Variants in PPP2R2C observed in about 807,000 individuals in gnomAD.
PPP2R2C encodes the protein protein phosphatase 2, regulatory subunit B, gamma.
In PPP2R2C, 10 loss-of-function variants were observed where a neutral mutation model predicts 45.3. That is an observed-to-expected ratio of 0.22 (90% CI 0.14 to 0.37). The LOEUF is 0.37. Ranked by LOEUF, PPP2R2C falls within the 10% of genes least tolerant of loss-of-function variation. The probability of loss-of-function intolerance (pLI) is 1.00; values close to 1 mark genes in which losing one functional copy is unlikely to be tolerated. For synonymous variants in PPP2R2C, 257 were observed against 245.4 expected, an observed-to-expected ratio of 1.05 and a Z score of -0.44; for missense variants, 308 against 619.7, an observed-to-expected ratio of 0.50 and a Z score of 5.34.
At chr4:6,430,944 C>CA (rs11330202) in intron 1 of PPP2R2C, among the ~76,000 whole-genome samples, 620 of 53,032 alleles carry the variant, frequency 0.012, 1 homozygote, top group Middle Eastern at 0.06. Context: ...ACAACAACAA[C>CA]AAAAAAAAAA....
At chr4:6,348,731 A>G in intron 5 of PPP2R2C, 1 of 983,172 alleles carries the variant, frequency 1.0e-6, no homozygotes, top group Non-Finnish European at 1.2e-6. Context: ...TGCCAGGACA[A>G]GGAGAAACCC....
At position 6,329,486 on chromosome 4, in the gene PPP2R2C, G is replaced by T. The variant is rs933039693; in HGVS notation, c.961-133C>A. On this transcript the variant is annotated intron_variant, in intron 7 of 8. Transcript: ENST00000382599. The surrounding 1 kb of genome is among the most constrained non-coding windows in gnomAD (Gnocchi z 5.8). ...CCAGCGCAGACCTGCTCATCTCAGC[G>T]AGGGTCTGAATGCTCTGACACAGCC... is the stretch of plus-strand genomic sequence containing the variant. The T allele has an allele frequency of 1.3e-6, 1 of 753,270 alleles. No homozygotes were observed. 46.7% of individuals were successfully genotyped at this position (753,270 alleles called of 1,614,324 possible).
intron 1 of PPP2R2C, among the ~76,000 whole-genome samples, chr4:6,435,678 C>T (rs952417603): frequency 6.6e-6 from 1 of 152,224 alleles, no homozygotes; most frequent in African/African-American, 2.4e-5. Flanking sequence ...TCTTAGAAAA[C>T]AGGCTTGTGA....
chr4:6,375,761 T>C, intron 4 of PPP2R2C, 58 bp downstream of exon 4: 1 of 1,391,056 alleles, frequency 7.2e-7, no homozygotes, highest in South Asian at 1.3e-5. Flanking sequence ...TTTCCAGCCC[T>C]AAAATCCTCA....
intron 1 of PPP2R2C, among the ~76,000 whole-genome samples, chr4:6,461,588 G>A (rs1360196204): frequency 6.6e-6 from 1 of 152,212 alleles, no homozygotes; most frequent in Non-Finnish European, 1.5e-5. Context: ...AGAAGGGTCT[G>A]GAGCCCCGCA....
Position 6,355,866 on chromosome 4 carries a change from C to T in PPP2R2C, c.626-7856G>A, listed in dbSNP as rs149053816. ...AAAATTAGCTGGGCGTGGTAGTGGG[C>T]ACCTGTAATCCCAGCTACTCAGGAG... is the stretch of plus-strand genomic sequence containing the variant. On this transcript the variant is annotated intron_variant, in intron 5 of 8. Coordinates refer to ENST00000382599, the MANE Select transcript of PPP2R2C (RefSeq NM_020416.4). Among the ~76,000 whole-genome samples the T allele has an allele frequency of 6.7e-3, 1,015 of 151,990 alleles. 18 individuals are homozygous for T. Among genetic ancestry groups the T allele is most frequent in the African/African-American group, 0.023 (974 of 41,474 alleles).
chr4:6,518,909 C>A (rs1213515045), intron 2 of PPP2R2C, among the ~76,000 whole-genome samples: 1 of 102,426 alleles, frequency 9.8e-6, no homozygotes, highest in Non-Finnish European at 1.8e-5. Context: ...GGCAACAGAG[C>A]AAGACTCTGT....
chr4:6,505,943 G>T (rs1454718188), intron 2 of PPP2R2C, among the ~76,000 whole-genome samples: 1 of 152,124 alleles, frequency 6.6e-6, no homozygotes, highest in African/African-American at 2.4e-5. Flanking sequence ...TCCAGCCTGG[G>T]TGACAGAGTG....
intron 1 of PPP2R2C, chr4:6,535,489 C>T (rs951940483): frequency 1.1e-5 from 8 of 710,924 alleles, no homozygotes; most frequent in African/African-American, 1.8e-5. Context: ...CCCTGGCCGC[C>T]GCCCGGCACA....
chr4:6,507,227 T>C (rs1015320918), intron 2 of PPP2R2C, among the ~76,000 whole-genome samples: 1 of 152,188 alleles, frequency 6.6e-6, no homozygotes, highest in African/African-American at 2.4e-5. Context: ...AAAGCACAGG[T>C]GCTCAAGGAT....
At chr4:6,398,879 G>C (rs1223276893) in intron 1 of PPP2R2C, among the ~76,000 whole-genome samples, 1 of 152,082 alleles carries the variant, frequency 6.6e-6, no homozygotes, top group South Asian at 2.1e-4. Flanking sequence ...ATAAATCATG[G>C]CATATTCACA....
At chr4:6,337,146 A>ATATATATATC (rs1733038032) in intron 6 of PPP2R2C, among the ~76,000 whole-genome samples, 1 of 78,226 alleles carries the variant, frequency 1.3e-5, no homozygotes, top group South Asian at 4.2e-4. Context: ...ATATATATAT[A>ATATATATATC]TATATATATA....
intron 1 of PPP2R2C, among the ~76,000 whole-genome samples, chr4:6,412,462 G>A (rs980208191): frequency 6.6e-6 from 1 of 152,132 alleles, no homozygotes; most frequent in African/African-American, 2.4e-5. Context: ...CTATCTCCCT[G>A]ACACACAGCA....
At chr4:6,372,740 G>A in intron 4 of PPP2R2C, 40 bp from the exon 5 acceptor site, 1 of 1,600,054 alleles carries the variant, frequency 6.2e-7, no homozygotes, top group Non-Finnish European at 8.6e-7. Flanking sequence ...TGAAGGCCAG[G>A]TGGTGGCATC....
chr4:6,561,924 T>C (rs1560624068), intron 1 of PPP2R2C, among the ~76,000 whole-genome samples: 1 of 152,164 alleles, frequency 6.6e-6, no homozygotes, highest in East Asian at 1.9e-4. Flanking sequence ...TAATCGACAG[T>C]CAACAATTCC....
At chr4:6,346,419 C>G (rs951176300) in intron 6 of PPP2R2C, among the ~76,000 whole-genome samples, 26 of 152,272 alleles carry the variant, frequency 1.7e-4, no homozygotes, top group African/African-American at 6.0e-4. Context: ...GTGGTCTCTT[C>G]AGGGAGGCCC....
intron 1 of PPP2R2C, among the ~76,000 whole-genome samples, chr4:6,390,431 C>CG (rs1164965892): frequency 6.6e-6 from 1 of 152,192 alleles, no homozygotes; most frequent in East Asian, 1.9e-4. Context: ...GCACAGCCAC[C>CG]GGCAGGTAGA....
intron 5 of PPP2R2C, among the ~76,000 whole-genome samples, chr4:6,356,978 C>T (rs1299281657): frequency 6.6e-6 from 1 of 151,428 alleles, no homozygotes; most frequent in Non-Finnish European, 1.5e-5. Flanking sequence ...CAGTCTCAGC[C>T]TCTCTGGACT....
chr4:6,416,912 G>C (rs1361659700), intron 1 of PPP2R2C, among the ~76,000 whole-genome samples: 1 of 152,180 alleles, frequency 6.6e-6, no homozygotes, highest in Non-Finnish European at 1.5e-5. Flanking sequence ...TGGAGTATTG[G>C]GGAGGGAGAT....
Sources: allele counts gnomAD v4.1 joint callset (sites outside exome capture counted in the v4.1 genomes callset), GRCh38; gene constraint gnomAD v4.1.1; non-coding constraint Gnocchi (gnomAD v3.1); transcripts MANE v1.5; gene names NCBI Gene and HGNC (gene_info 2026-07-23, HGNC 2026-07-21).